Variants in PLCL1 observed in about 807,000 individuals in gnomAD.
PLCL1 encodes the protein phospholipase C like 1 (inactive), also known as inactive phospholipase C-like protein 1.
A neutral mutation model predicts 84.4 loss-of-function variants in PLCL1; 41 were observed. That is an observed-to-expected ratio of 0.49 (90% CI 0.38 to 0.63). PLCL1 has a LOEUF of 0.63. PLCL1 is among the 30% of genes least tolerant of loss of function. PLCL1 has a pLI of 0.00. For synonymous variants in PLCL1, 490 were observed against 488.3 expected, an observed-to-expected ratio of 1.00 and a Z score of -0.05; for missense variants, 1,206 against 1,367.8, an observed-to-expected ratio of 0.88 and a Z score of 1.87.
intron 1 of PLCL1, among the ~76,000 whole-genome samples, chr2:198,011,010 C>T (rs1332188710): frequency 6.6e-6 from 1 of 151,562 alleles, no homozygotes; most frequent in Non-Finnish European, 1.5e-5. Flanking sequence ...AGTCTTCTCT[C>T]TTTTTTCTTT....
At chr2:198,051,271 A>T (rs1261384159) in intron 1 of PLCL1, among the ~76,000 whole-genome samples, 1 of 152,222 alleles carries the variant, frequency 6.6e-6, no homozygotes, top group Non-Finnish European at 1.5e-5. Flanking sequence ...TTGAGAAAAA[A>T]ACTTTGTATT....
chr2:198,079,099 T>C (rs541748261), intron 1 of PLCL1, among the ~76,000 whole-genome samples: 8 of 152,098 alleles, frequency 5.3e-5, no homozygotes, highest in South Asian at 2.1e-4. Flanking sequence ...GGCTTATCAA[T>C]GTGTTTTGAA....
intron 1 of PLCL1, among the ~76,000 whole-genome samples, chr2:197,965,392 G>A (rs79118107): frequency 0.022 from 3,403 of 151,966 alleles, 151 homozygotes; most frequent in African/African-American, 0.076. Flanking sequence ...AATTTCTGTG[G>A]TATTGGTTGT....
At position 197,897,211 on chromosome 2, in the gene PLCL1, C is replaced by G. The variant is rs576056138; in HGVS notation, c.240+91872C>G. 1.9e-4 allele frequency among the ~76,000 whole-genome samples: 28 copies of G among 148,946 alleles called. 5 individuals carry two copies. In the South Asian group the frequency reaches 5.0e-3, roughly 27 times the overall value. ...CTTCTCCTTCTCCTTCTTCTTTCTT[C>G]TTCCTCTTCTTCCTCTTCTTCTTCC... On this transcript the variant is annotated intron_variant, in intron 1 of 5. Transcript: ENST00000428675.
At chr2:197,901,011 G>C (rs1423275958) in intron 1 of PLCL1, among the ~76,000 whole-genome samples, 1 of 152,116 alleles carries the variant, frequency 6.6e-6, no homozygotes, top group Admixed American at 6.5e-5. Flanking sequence ...CTAAACTAGG[G>C]AAACAGAAAA....
intron 5 of PLCL1, among the ~76,000 whole-genome samples, chr2:198,144,531 A>G (rs917296388): frequency 1.6e-4 from 24 of 152,326 alleles, no homozygotes; most frequent in African/African-American, 5.8e-4. Context: ...AAATCACCTT[A>G]TATCATTGTG....
chr2:197,928,332 AT>A (rs1206581326), intron 1 of PLCL1, among the ~76,000 whole-genome samples: 1 of 152,162 alleles, frequency 6.6e-6, no homozygotes, highest in Non-Finnish European at 1.5e-5. Flanking sequence ...AATGTTGCTT[AT>A]TTTTCACTAA....
intron 1 of PLCL1, among the ~76,000 whole-genome samples, chr2:197,922,947 G>A (rs1393827439): frequency 8.6e-5 from 10 of 116,262 alleles, no homozygotes; most frequent in Non-Finnish European, 1.5e-4. Context: ...CTGGCCGGGC[G>A]GGGGGCTGAC....
At chr2:198,002,439 A>G (rs781753615) in intron 1 of PLCL1, among the ~76,000 whole-genome samples, 3 of 152,252 alleles carry the variant, frequency 2.0e-5, no homozygotes, top group Non-Finnish European at 2.9e-5. Flanking sequence ...ACCAATTTAC[A>G]TGACTACAAA....
intron 1 of PLCL1, among the ~76,000 whole-genome samples, chr2:197,918,965 TCTCC>T (rs1159350197): frequency 1.4e-4 from 21 of 144,894 alleles, no homozygotes; most frequent in South Asian, 6.8e-4. Context: ...TCTCTCTCTC[TCTCC>T]CTCACACACA....
chr2:197,856,586 C>T (rs1177025123), intron 1 of PLCL1, among the ~76,000 whole-genome samples: 1 of 152,098 alleles, frequency 6.6e-6, no homozygotes, highest in East Asian at 1.9e-4. Context: ...AGTTTTGGCT[C>T]TCTAGGGAAG....
At chr2:197,972,249 A>G (rs1330633455) in intron 1 of PLCL1, among the ~76,000 whole-genome samples, 3 of 152,256 alleles carry the variant, frequency 2.0e-5, no homozygotes, top group East Asian at 3.8e-4. Flanking sequence ...AGGCAAGTAC[A>G]GGGTTTGTTT....
rs183137932 is a variant in PLCL1, at chr2:198,053,080, C to T, written c.241-30678C>T. ...TTCTAGCCTGGGCTGCAGGATAGAA[C>T]CCTAGGTTTGGTACTTTGACCCTCG... On this transcript the variant is annotated intron_variant, in intron 1 of 5. Coordinates refer to ENST00000428675, the MANE Select transcript of PLCL1 (RefSeq NM_006226.4). Among the ~76,000 whole-genome samples the T allele has an allele frequency of 2.9e-4, 44 of 152,248 alleles. No individual in the cohort carries two copies. The East Asian group carries it at 7.9e-3, about 27-fold the overall frequency.
intron 1 of PLCL1, among the ~76,000 whole-genome samples, chr2:197,810,107 C>T (rs548874407): frequency 1.4e-4 from 22 of 152,044 alleles, no homozygotes; most frequent in Non-Finnish European, 2.5e-4. Flanking sequence ...AGCTGCGGCT[C>T]TCCTCCCGAG....
intron 1 of PLCL1, among the ~76,000 whole-genome samples, chr2:197,956,964 CT>C (rs1164933315): frequency 2.6e-5 from 4 of 152,032 alleles, no homozygotes; most frequent in South Asian, 4.1e-4. Context: ...GTTGCACTTG[CT>C]TTTGGTGTTT....
At chr2:197,985,443 A>C (rs1690201453) in intron 1 of PLCL1, among the ~76,000 whole-genome samples, 1 of 152,316 alleles carries the variant, frequency 6.6e-6, no homozygotes, top group East Asian at 1.9e-4. Flanking sequence ...CTGATATTGA[A>C]TACAGCTCAC....
chr2:197,931,338 A>T (rs1688927309), intron 1 of PLCL1, among the ~76,000 whole-genome samples: 1 of 152,062 alleles, frequency 6.6e-6, no homozygotes, highest in Non-Finnish European at 1.5e-5. Context: ...TGCTCTGAGG[A>T]TATTTCAGGT....
rs76434185 is a variant in PLCL1, at chr2:198,099,959, A to C, written c.2920-1326A>C. Among the ~76,000 whole-genome samples the C allele has an allele frequency of 6.5e-3, 994 of 152,306 alleles. 17 individuals are homozygous for C. Among genetic ancestry groups the C allele is most frequent in the African/African-American group, 0.023 (961 of 41,576 alleles). ...TTTTCAGTACTTAATTTGAAAGAGAATTAAGAGCATACAAAATTACAGAAA... is the reference window on the plus strand; with the variant it reads ...TTTTCAGTACTTAATTTGAAAGAGACTTAAGAGCATACAAAATTACAGAAA... On this transcript the variant is annotated intron_variant, in intron 3 of 5. Coordinates refer to ENST00000428675, the MANE Select transcript of PLCL1 (RefSeq NM_006226.4).
rs141648500 is a variant in PLCL1 at position 197,829,955 on chromosome 2, A to G, written c.240+24616A>G. Among the ~76,000 whole-genome samples, 154 of 152,338 alleles carry G rather than the reference A, an allele frequency of 1.0e-3. 1 individual carries two copies. The highest frequency in any genetic ancestry group is 3.6e-3 in the African/African-American group (149 of 41,580). On this transcript the variant is annotated intron_variant, in intron 1 of 5. Transcript: ENST00000428675. ...TACATTTACTCATTTACAAGTATAA[A>G]TAAATGAAATCTAACAGTCACAAAA... is the stretch of plus-strand genomic sequence containing the variant.
Sources: allele counts gnomAD v4.1 joint callset (sites outside exome capture counted in the v4.1 genomes callset), GRCh38; gene constraint gnomAD v4.1.1; transcripts MANE v1.5; gene names NCBI Gene and HGNC (gene_info 2026-07-23, HGNC 2026-07-21).